Variants in AP3D1 observed in about 807,000 individuals in gnomAD.
AP3D1 encodes the protein adaptor related protein complex 3 subunit delta 1.
Under a neutral mutation model 147.6 loss-of-function variants are expected in AP3D1, and 51 were observed. That is an observed-to-expected ratio of 0.35 (90% CI 0.28 to 0.44). The LOEUF (loss-of-function observed/expected upper bound fraction) is 0.44. Among genes scored for constraint, AP3D1 ranks in the 20% least tolerant of loss-of-function variants. The pLI is 1.00. For synonymous variants in AP3D1, 760 were observed against 663.0 expected (o/e 1.15, Z -2.25); for missense variants, 1,421 against 1,624.2 (o/e 0.87, Z 2.15).
intron 1 of AP3D1, among the ~76,000 whole-genome samples, chr19:2,143,401 T>C (rs1327108814): frequency 1.3e-5 from 2 of 151,782 alleles, no homozygotes; most frequent in African/African-American, 2.4e-5. Context: ...CGACCATGCC[T>C]GGCTAATTTT....
chr19:2,105,084 A>G (rs1174917248), intron 31 of AP3D1, among the ~76,000 whole-genome samples: 1 of 152,210 alleles, frequency 6.6e-6, no homozygotes, highest in East Asian at 1.9e-4. Context: ...AGACCTGAAA[A>G]ATAAGACCCT....
At chr19:2,141,585 G>T (rs1233125718) in intron 1 of AP3D1, among the ~76,000 whole-genome samples, 1 of 151,700 alleles carries the variant, frequency 6.6e-6, no homozygotes. Context: ...ACGATTACAG[G>T]TACACACCAC....
chr19:2,163,865 C>G (rs1407598786), intron 1 of AP3D1, among the ~76,000 whole-genome samples: 1 of 149,742 alleles, frequency 6.7e-6, no homozygotes, highest in African/African-American at 2.4e-5. Context: ...GCGGCGGGCA[C>G]GCGCCGGCGT....
upstream of AP3D1, chr19:2,151,662 A>C (rs544062654): frequency 6.5e-6 from 1 of 152,738 alleles, no homozygotes; most frequent in African/African-American, 2.4e-5. Flanking sequence ...CGGCAGGGAG[A>C]CGCTGCGTTT....
chr19:2,141,177 A>G (rs1311130100), intron 1 of AP3D1, among the ~76,000 whole-genome samples: 1 of 152,182 alleles, frequency 6.6e-6, no homozygotes, highest in Non-Finnish European at 1.5e-5. Context: ...CATCATTGAC[A>G]CTTTCTACAA....
intron 9 of AP3D1, among the ~76,000 whole-genome samples, chr19:2,125,898 T>C (rs78684538): frequency 0.13 from 18,932 of 150,282 alleles, 1,303 homozygotes; most frequent in Non-Finnish European, 0.16. Context: ...TGTAATCCCA[T>C]CACTTTGAGA....
rs1183315922 is a variant in AP3D1, at chr19:2,102,239, C to T, written c.3582G>A (p.Lys1194=). The T allele has an allele frequency of 1.2e-6, 2 of 1,613,974 alleles. No homozygotes were observed. The highest frequency in any genetic ancestry group is 1.1e-5 in the South Asian group (1 of 91,078). The part of the protein sequence containing the change: ...KGENSVSVDG[K]CSDSTLLSNL... ...TGCTCAGTAGCGTGGAGTCACTGCA[C>T]TTCCCGTCGACTGAGACAGAGTTCT... The change falls in exon 32 of 32, where the codon AAG becomes AAA. Residue 1194 remains lysine, a synonymous_variant. Coordinates refer to ENST00000643116, the MANE Select transcript of AP3D1 (RefSeq NM_001261826.3).
intron 1 of AP3D1, among the ~76,000 whole-genome samples, chr19:2,139,614 GGA>G (rs1418489347): frequency 2.0e-5 from 3 of 152,336 alleles, no homozygotes; most frequent in African/African-American, 7.2e-5. Flanking sequence ...CCACCTGGAA[GGA>G]GAGGAGGGAG....
chr19:2,162,996 G>A (rs1407954171), intron 1 of AP3D1, among the ~76,000 whole-genome samples: 2 of 152,078 alleles, frequency 1.3e-5, no homozygotes, highest in Non-Finnish European at 2.9e-5. Context: ...TAACCTCCAA[G>A]CTGTCCTTGT....
chr19:2,161,083 AGAG>A (rs1404326971), intron 1 of AP3D1, among the ~76,000 whole-genome samples: 2 of 150,986 alleles, frequency 1.3e-5, no homozygotes, highest in East Asian at 3.9e-4. Flanking sequence ...GTAGGGAGAG[AGAG>A]GAGGTGAGTC....
At chr19:2,152,878 A>G (rs1459644886), upstream of AP3D1, among the ~76,000 whole-genome samples, 1 of 151,908 alleles carries the variant, frequency 6.6e-6, no homozygotes, top group Non-Finnish European at 1.5e-5. Flanking sequence ...TCTTGTCTCA[A>G]AAAAACAAAA....
chr19:2,160,203 C>T (rs756790010), intron 1 of AP3D1, among the ~76,000 whole-genome samples: 2 of 152,086 alleles, frequency 1.3e-5, no homozygotes, highest in Non-Finnish European at 2.9e-5. Context: ...TGGGAATGAC[C>T]AGAGGAAATG....
At chr19:2,145,183 T>C (rs2144551772) in intron 1 of AP3D1, among the ~76,000 whole-genome samples, 1 of 152,300 alleles carries the variant, frequency 6.6e-6, no homozygotes, top group Admixed American at 6.5e-5. Flanking sequence ...TGAGGCTCCA[T>C]CTGGACCGCA....
intron 14 of AP3D1, among the ~76,000 whole-genome samples, chr19:2,119,459 C>T (rs974621068): frequency 1.1e-4 from 17 of 151,718 alleles, no homozygotes; most frequent in African/African-American, 3.6e-4. Context: ...TTTGGGACGC[C>T]GAGGCGGGCG....
chr19:2,103,017 G>A (rs533260292), intron 31 of AP3D1, among the ~76,000 whole-genome samples: 14 of 152,104 alleles, frequency 9.2e-5, no homozygotes, highest in Admixed American at 3.9e-4. Flanking sequence ...CCAGCTATGC[G>A]GGAGGCTGAG....
chr19:2,109,401 T>A (rs2018201104), intron 29 of AP3D1, 194 bp from the exon 30 acceptor site: 2 of 684,196 alleles, frequency 2.9e-6, no homozygotes, highest in African/African-American at 3.6e-5. Context: ...AAACTGACAA[T>A]GACTTGTCTT....
upstream of AP3D1, among the ~76,000 whole-genome samples, chr19:2,155,818 C>T (rs1250811969): frequency 6.6e-6 from 1 of 151,866 alleles, no homozygotes; most frequent in Non-Finnish European, 1.5e-5. Context: ...TCTGGGAGGC[C>T]GAGGTGGGCG....
rs369318068 is a variant in AP3D1 at position 2,118,738 on chromosome 19, C to T, written c.1576G>A (p.Val526Met). The T allele has an allele frequency of 3.7e-5, 60 of 1,613,796 alleles. No homozygotes were observed. Among genetic ancestry groups the T allele is most frequent in the Middle Eastern group, 3.3e-4 (2 of 6,062 alleles). ...AGGATGGAGGCGTAGAGCTTGACCA[C>T]GTTCTGCACATACACGGCCTGGATG... is the stretch of plus-strand genomic sequence containing the variant. The part of the protein sequence containing the change: ...GHIQAVYVQN[V>M]VKLYASILQQ... The change falls in exon 15 of 32, where the codon GTG becomes ATG. Residue 526 changes from valine to methionine, a missense_variant. Coordinates refer to ENST00000643116, the MANE Select transcript of AP3D1 (RefSeq NM_001261826.3).
At chr19:2,122,022 C>T in intron 11 of AP3D1, 143 bp from the exon 12 acceptor site, 6 of 959,262 alleles carry the variant, frequency 6.3e-6, no homozygotes, top group Non-Finnish European at 9.0e-6. Context: ...GCAAGTATCC[C>T]AGCTGGAGCT....
Sources: allele counts gnomAD v4.1 joint callset (sites outside exome capture counted in the v4.1 genomes callset), GRCh38; gene constraint gnomAD v4.1.1; transcripts MANE v1.5; gene names NCBI Gene and HGNC (gene_info 2026-07-23, HGNC 2026-07-21).